TNC: variants seen among roughly 807,000 people sequenced by gnomAD.
TNC encodes tenascin C, also known as tenascin.
Under a neutral mutation model 202.4 loss-of-function variants are expected in TNC, and 109 were observed. That is an observed-to-expected ratio of 0.54 (90% confidence interval 0.46 to 0.63). The LOEUF is 0.63. TNC is among the 30% of genes least tolerant of loss of function. TNC has a pLI of 0.00. For synonymous variants in TNC, 1,007 were observed against 1,089.7 expected (o/e 0.92, Z 1.50); for missense variants, 2,756 against 2,833.3 (o/e 0.97, Z 0.62).
rs767558639 is a variant in TNC, at chr9:115,064,754, C to T, written c.3380G>A (p.Arg1127Gln). ...ARNLTVPGSL[R>Q]AVDIPGLKAA... ...CTTGAGGCCCGGTATGTCCACAGCC[C>T]GAAGGCTGCCAGGCACGGTGAGGTT... Residue 1127 changes from arginine (R) to glutamine (Q), a missense_variant, in exon 11 of 28, where the codon CGG becomes CAG. Transcript: ENST00000350763. The T allele has an allele frequency of 5.0e-6, 8 of 1,614,032 alleles. No individual in the cohort carries two copies. The highest frequency in any genetic ancestry group is 4.0e-5 in the African/African-American group (3 of 74,896).
intron 18 of TNC, among the ~76,000 whole-genome samples, chr9:115,041,959 C>T (rs1348625399): frequency 1.3e-5 from 2 of 152,194 alleles, no homozygotes; most frequent in African/African-American, 4.8e-5. Context: ...GCAAACAATA[C>T]TAGAGATCTA....
chr9:115,070,803 T>C (rs1033739863), intron 10 of TNC, among the ~76,000 whole-genome samples: 1 of 152,248 alleles, frequency 6.6e-6, no homozygotes, highest in African/African-American at 2.4e-5. Context: ...TATAGCCACA[T>C]GGCTCCTTCA....
At chr9:115,117,062 G>A (rs1234142105) in intron 1 of TNC, among the ~76,000 whole-genome samples, 2 of 152,158 alleles carry the variant, frequency 1.3e-5, no homozygotes, top group African/African-American at 4.8e-5. Flanking sequence ...GACAGCAGAC[G>A]CTATTGTCCC....
chr9:115,113,939 T>C (rs1837266364), intron 1 of TNC, among the ~76,000 whole-genome samples: 1 of 152,012 alleles, frequency 6.6e-6, no homozygotes, highest in Non-Finnish European at 1.5e-5. Flanking sequence ...GAAAGGAGTT[T>C]AGGCTTAAGG....
chr9:115,051,055 C>T (rs995911778), intron 15 of TNC, among the ~76,000 whole-genome samples: 9 of 152,022 alleles, frequency 5.9e-5, no homozygotes, highest in African/African-American at 2.4e-5. Flanking sequence ...TGGCAAAGTC[C>T]GTCTTCTGAA....
intron 19 of TNC, among the ~76,000 whole-genome samples, chr9:115,040,637 G>C (rs1830657993): frequency 6.6e-6 from 1 of 152,136 alleles, no homozygotes; most frequent in African/African-American, 2.4e-5. Flanking sequence ...GTAGAATTTG[G>C]ATTTAAATTC....
intron 1 of TNC, among the ~76,000 whole-genome samples, chr9:115,114,051 T>C (rs1304861338): frequency 1.3e-5 from 2 of 152,152 alleles, no homozygotes; most frequent in East Asian, 3.9e-4. Flanking sequence ...CCCCCGAAGG[T>C]AGGTAAGTTC....
In TNC at chr9:115,084,435, C is replaced by T. The variant is rs764267198; in HGVS notation, c.1905G>A (p.Thr635=). ...CCCAGGCCAGGTTGACCGTCTCTTC[C>T]GTCACTTCTGTCACAACGAGGTCTT... ...PPKDLVVTEV[T]EETVNLAWDN... Residue 635 remains threonine, a synonymous_variant, in exon 4 of 28, where the codon ACG becomes ACA. Transcript: ENST00000350763. The T allele has an allele frequency of 1.2e-5, 20 of 1,614,062 alleles. No homozygotes were observed. The highest frequency in any genetic ancestry group is 2.2e-5 in the South Asian group (2 of 91,086).
Position 115,020,355 on chromosome 9 carries a change from G to T in TNC, c.*802C>A. 6.3e-6 allele frequency: 1 copy of T among 159,780 alleles called. No homozygotes were observed. Among genetic ancestry groups the T allele is most frequent in the Non-Finnish European group, 1.4e-5 (1 of 73,680 alleles). 9.9% of individuals were successfully genotyped at this position (159,780 alleles called of 1,614,324 possible). On this transcript the variant is annotated 3_prime_UTR_variant, in exon 28 of 28. Transcript: ENST00000350763. ...GGCCTGGCCTGTAAGCTTTTCCCAA[G>T]TGTGTTCAACTTTATTTAAAAAAAG... is the stretch of plus-strand genomic sequence containing the variant.
At chr9:115,088,137 A>C (rs953745683) in intron 2 of TNC, among the ~76,000 whole-genome samples, 3 of 152,192 alleles carry the variant, frequency 2.0e-5, no homozygotes, top group Non-Finnish European at 2.9e-5. Flanking sequence ...GATTTAGACT[A>C]TCTGGAGCTT....
intron 15 of TNC, among the ~76,000 whole-genome samples, chr9:115,053,764 T>C (rs1831886797): frequency 6.6e-6 from 1 of 152,212 alleles, no homozygotes. Context: ...GGAAAATCTA[T>C]ATTTTACCAT....
Position 115,024,054 on chromosome 9 carries a change from C to T in TNC, c.6414G>A (p.Leu2138=), listed in dbSNP as rs764800866. 1 of 1,613,992 alleles carries T rather than the reference C, an allele frequency of 6.2e-7. No individual in the cohort carries two copies. Among genetic ancestry groups the T allele is most frequent in the Non-Finnish European group, 8.5e-7 (1 of 1,179,984 alleles). The part of the protein sequence containing the change: ...DTDSAITNCA[L]SYKGAFWYRN... ...TGTACCAGAAAGCCCCTTTGTAGGA[C>T]AGAGCACAGTTGGTGATGGCTGAAT... is the stretch of plus-strand genomic sequence containing the variant. Residue 2138 remains leucine, a synonymous_variant, in exon 27 of 28, where the codon CTG becomes CTA. Coordinates refer to ENST00000350763, the MANE Select transcript of TNC (RefSeq NM_002160.4).
chr9:115,069,757 TCCCTCCCTCCCTC>T (rs1833306212), intron 10 of TNC, among the ~76,000 whole-genome samples: 1 of 20,718 alleles, frequency 4.8e-5, no homozygotes, highest in Non-Finnish European at 1.0e-4. Flanking sequence ...CCTCCCTCCC[TCCCTCCCTCCCTC>T]CCTCCCTTCC....
intron 19 of TNC, among the ~76,000 whole-genome samples, chr9:115,040,543 C>A (rs184388627): frequency 1.3e-4 from 20 of 152,268 alleles, no homozygotes; most frequent in African/African-American, 4.6e-4. Flanking sequence ...CCTTACCATA[C>A]CCTGTGAGGG....
intron 10 of TNC, among the ~76,000 whole-genome samples, chr9:115,067,502 T>G (rs1173392822): frequency 6.6e-6 from 1 of 152,168 alleles, no homozygotes; most frequent in Non-Finnish European, 1.5e-5. Flanking sequence ...AAAATAAATT[T>G]TAAATGCCCC....
intron 15 of TNC, 78 bp from the exon 16 acceptor site, chr9:115,048,610 C>A: frequency 7.3e-7 from 1 of 1,362,592 alleles, no homozygotes; most frequent in Non-Finnish European, 9.9e-7. Context: ...TCCAAGAACA[C>A]CAATAGATAC....
intron 27 of TNC, among the ~76,000 whole-genome samples, 173 bp from the exon 28 acceptor site, chr9:115,021,440 T>G (rs1829063548): frequency 6.6e-6 from 1 of 152,188 alleles, no homozygotes; most frequent in African/African-American, 2.4e-5. Flanking sequence ...TCTCTGTTGG[T>G]CTGGGTTGTG....
intron 19 of TNC, among the ~76,000 whole-genome samples, chr9:115,040,224 C>T (rs1830628590): frequency 6.6e-6 from 1 of 152,156 alleles, no homozygotes; most frequent in South Asian, 2.1e-4. Flanking sequence ...AAATTTGGTT[C>T]CAGCATTTAC....
chr9:115,070,118 A>C (rs1433072892), intron 10 of TNC, among the ~76,000 whole-genome samples: 1 of 151,914 alleles, frequency 6.6e-6, no homozygotes, highest in African/African-American at 2.4e-5. Context: ...ACTGATGGGG[A>C]GGCAGGCCAT....
Sources: gnomAD v4.1 joint callset for allele counts (sites outside exome capture counted in the v4.1 genomes callset) on GRCh38, gnomAD v4.1.1 for gene constraint, MANE v1.5 for transcripts, NCBI Gene and HGNC (gene_info 2026-07-23, HGNC 2026-07-21) for gene names.